Variants in MACROD2 observed in about 807,000 individuals in gnomAD.
The protein encoded by MACROD2 is mono-ADP ribosylhydrolase 2.
MACROD2 carries 36 observed loss-of-function variants against 70.4 expected under a neutral mutation model. The ratio of observed to expected loss-of-function variants is 0.51; its 90% CI spans 0.39 to 0.68. The LOEUF is 0.68. Ranked by LOEUF, MACROD2 falls within the 30% of genes least tolerant of loss-of-function variation. The pLI, the probability that MACROD2 is intolerant of heterozygous loss-of-function variation, is 0.00. For missense variants in MACROD2, 496 were observed against 538.4 expected, an observed-to-expected ratio of 0.92 and a Z score of 0.78; for synonymous variants, 172 against 178.8, an observed-to-expected ratio of 0.96 and a Z score of 0.30.
intron 6 of MACROD2, among the ~76,000 whole-genome samples, chr20:15,322,723 C>T (rs535224911): frequency 6.9e-6 from 1 of 144,126 alleles, no homozygotes; most frequent in Middle Eastern, 3.5e-3. Flanking sequence ...AATTTGTCTT[C>T]TATTTAGTGG....
At chr20:14,816,043 C>A (rs1053564314) in intron 5 of MACROD2, among the ~76,000 whole-genome samples, 1 of 151,938 alleles carries the variant, frequency 6.6e-6, no homozygotes, top group Non-Finnish European at 1.5e-5. Flanking sequence ...CTTTCCATCA[C>A]GTGTTTTTCT....
intron 5 of MACROD2, among the ~76,000 whole-genome samples, chr20:14,800,751 C>A (rs2072565235): frequency 6.6e-6 from 1 of 152,088 alleles, no homozygotes; most frequent in Non-Finnish European, 1.5e-5. Flanking sequence ...ATAATTTCAT[C>A]CGGAGGTTAG....
At chr20:15,334,030 C>T (rs2423931) in intron 6 of MACROD2, among the ~76,000 whole-genome samples, 58,127 of 151,054 alleles carry the variant, frequency 0.38, 11,729 homozygotes, top group East Asian at 0.61. Flanking sequence ...TGTAGGTCCT[C>T]AGTTATCATT....
intron 8 of MACROD2, among the ~76,000 whole-genome samples, chr20:15,500,196 T>C (rs2047347568): frequency 6.6e-6 from 1 of 152,212 alleles, no homozygotes; most frequent in Non-Finnish European, 1.5e-5. Context: ...AGCTAAGTTA[T>C]CTTTGTTGAC....
intron 5 of MACROD2, among the ~76,000 whole-genome samples, chr20:15,178,967 G>T (rs548852421): frequency 1.3e-5 from 2 of 152,294 alleles, no homozygotes; most frequent in African/African-American, 4.8e-5. Context: ...CATAAGGGAG[G>T]ATTGGGCAAG....
chr20:14,742,952 G>C (rs4278992), intron 5 of MACROD2, among the ~76,000 whole-genome samples: 61,337 of 151,020 alleles, frequency 0.41, 13,839 homozygotes, highest in Non-Finnish European at 0.51. Context: ...ATTTTTAGTA[G>C]AGACGGGGTT....
intron 6 of MACROD2, among the ~76,000 whole-genome samples, chr20:15,341,317 T>C (rs988013967): frequency 6.6e-6 from 1 of 152,206 alleles, no homozygotes; most frequent in African/African-American, 2.4e-5. Flanking sequence ...TATCAATTCA[T>C]GTTAGATTAA....
chr20:15,238,223 A>T (rs544881432), intron 6 of MACROD2, among the ~76,000 whole-genome samples: 1 of 152,202 alleles, frequency 6.6e-6, no homozygotes, highest in Non-Finnish European at 1.5e-5. Context: ...CATCCAAATT[A>T]TCTGCTTCTT....
intron 5 of MACROD2, among the ~76,000 whole-genome samples, chr20:15,151,994 A>G (rs998629864): frequency 2.2e-4 from 34 of 151,964 alleles, no homozygotes; most frequent in African/African-American, 8.0e-4. Context: ...GACAGGTGGG[A>G]GGGAAAGAAG....
intron 6 of MACROD2, among the ~76,000 whole-genome samples, chr20:15,301,650 T>C (rs2077645423): frequency 2.1e-5 from 3 of 145,612 alleles, no homozygotes; most frequent in Non-Finnish European, 4.5e-5. Flanking sequence ...CAGGCTGTTC[T>C]TGAACATCTG....
chr20:14,180,222 A>G (rs918668718), intron 3 of MACROD2, among the ~76,000 whole-genome samples: 3 of 152,150 alleles, frequency 2.0e-5, no homozygotes, highest in African/African-American at 7.2e-5. Context: ...GAGAAAAAAA[A>G]AAGGATGGAG....
intron 5 of MACROD2, among the ~76,000 whole-genome samples, chr20:15,119,309 T>C (rs1402805488): frequency 6.6e-6 from 1 of 152,206 alleles, no homozygotes. Context: ...CAGCTTCTTC[T>C]GCTTTGTGCT....
At chr20:14,706,558 T>C (rs2071272898) in intron 5 of MACROD2, among the ~76,000 whole-genome samples, 1 of 152,154 alleles carries the variant, frequency 6.6e-6, no homozygotes, top group Non-Finnish European at 1.5e-5. Flanking sequence ...CAGTGAAACA[T>C]TCTATTTATC....
intron 5 of MACROD2, among the ~76,000 whole-genome samples, chr20:14,956,047 A>G (rs2074534182): frequency 6.6e-6 from 1 of 151,226 alleles, no homozygotes; most frequent in Non-Finnish European, 1.5e-5. Context: ...TAATTCAGTA[A>G]CTTATGTGAT....
At chr20:14,504,410 A>G (rs2084947589) in intron 4 of MACROD2, among the ~76,000 whole-genome samples, 1 of 152,240 alleles carries the variant, frequency 6.6e-6, no homozygotes, top group Non-Finnish European at 1.5e-5. Flanking sequence ...GTATTTAAGC[A>G]AAGACTCTCT....
rs1491203804 is a variant in MACROD2, at chr20:15,968,796, CGT to C, written c.985+1167_985+1168del. 5.0e-3 allele frequency among the ~76,000 whole-genome samples: 252 copies of C among 50,220 alleles called. 1 individual carries two copies. Among genetic ancestry groups the C allele is most frequent in the Non-Finnish European group, 8.0e-3 (189 of 23,480 alleles). 32.9% of individuals were successfully genotyped at this position (50,220 alleles called of 152,430 possible). On this transcript the variant is annotated intron_variant, in intron 13 of 17. Coordinates refer to ENST00000684519, the MANE Select transcript of MACROD2 (RefSeq NM_001351661.2). ...TAAACATATAATATTATATATTATG[CGT>C]ATATATATATATATATATATATATA...
chr20:14,014,992 G>A (rs1007084108), intron 2 of MACROD2, among the ~76,000 whole-genome samples: 2 of 147,526 alleles, frequency 1.4e-5, no homozygotes, highest in Non-Finnish European at 3.0e-5. Context: ...TTTTTGTAGA[G>A]GTGGGGTTTT....
At chr20:15,956,094 G>C (rs908185142) in intron 12 of MACROD2, among the ~76,000 whole-genome samples, 1 of 152,170 alleles carries the variant, frequency 6.6e-6, no homozygotes, top group Non-Finnish European at 1.5e-5. Context: ...GACTCACCAC[G>C]TCACAAATAC....
intron 8 of MACROD2, among the ~76,000 whole-genome samples, chr20:15,801,200 A>AAAAAAAG (rs749268333): frequency 3.7e-4 from 51 of 137,844 alleles, no homozygotes; most frequent in Non-Finnish European, 4.9e-4. Flanking sequence ...AAAAAAAAAA[A>AAAAAAAG]AAAACGAAAA....
Sources: allele counts gnomAD v4.1 joint callset (sites outside exome capture counted in the v4.1 genomes callset), GRCh38; gene constraint gnomAD v4.1.1; transcripts MANE v1.5; gene names NCBI Gene and HGNC (gene_info 2026-07-23, HGNC 2026-07-21).